PEBP4: variants seen among roughly 807,000 people sequenced by gnomAD.
PEBP4 encodes phosphatidylethanolamine-binding protein 4.
In PEBP4, 22 loss-of-function variants were observed where a neutral mutation model predicts 23.9. The ratio of observed to expected loss-of-function variants is 0.92; its 90% confidence interval spans 0.66 to 1.31. The LOEUF (loss-of-function observed/expected upper bound fraction) is 1.31. Among genes scored for constraint, PEBP4 ranks in the 40% most tolerant of loss-of-function variants. The pLI is 0.00. For missense variants in PEBP4, 324 were observed against 281.7 expected (o/e 1.15, Z -1.07); for synonymous variants, 112 against 99.3 (o/e 1.13, Z -0.76).
chr8:22,804,157 C>T (rs1304452965), intron 4 of PEBP4, among the ~76,000 whole-genome samples: 3 of 152,100 alleles, frequency 2.0e-5, no homozygotes, highest in Non-Finnish European at 2.9e-5. Context: ...TAGTGGGGCC[C>T]TATATCTATA....
rs542034465 is a variant in PEBP4 at position 22,762,776 on chromosome 8, C to T, written c.358-35556G>A. Among the ~76,000 whole-genome samples the T allele has an allele frequency of 5.3e-5, 8 of 152,248 alleles. No homozygotes were observed. The East Asian group carries it at 1.5e-3, about 29-fold the overall frequency. ...TGTGGAGTCTTGGGGTTGAAGGCAT[C>T]AGAGATTTCCTTTGCTCGTTGTGTT... On this transcript the variant is annotated intron_variant, in intron 4 of 6. Coordinates refer to ENST00000256404, the MANE Select transcript of PEBP4 (RefSeq NM_144962.3).
intron 3 of PEBP4, among the ~76,000 whole-genome samples, chr8:22,849,537 C>T (rs912406426): frequency 6.6e-6 from 1 of 152,228 alleles, no homozygotes. Flanking sequence ...CACACCAGCT[C>T]TTCTTAGCAC....
chr8:22,829,403 A>T (rs1327056500), intron 3 of PEBP4, among the ~76,000 whole-genome samples: 1 of 152,046 alleles, frequency 6.6e-6, no homozygotes, highest in African/African-American at 2.4e-5. Context: ...AATATCCTTA[A>T]ATCTCCAACC....
intron 3 of PEBP4, among the ~76,000 whole-genome samples, chr8:22,909,753 A>C (rs1176421673): frequency 1.3e-5 from 2 of 152,158 alleles, no homozygotes; most frequent in Non-Finnish European, 1.5e-5. Flanking sequence ...AGCAGTGGGA[A>C]TCTTTCTGTG....
intron 6 of PEBP4, among the ~76,000 whole-genome samples, chr8:22,722,911 T>C (rs1028265695): frequency 5.3e-5 from 8 of 151,206 alleles, no homozygotes; most frequent in Admixed American, 3.9e-4. Flanking sequence ...TAGCTGGGAC[T>C]ATAGGCGCCC....
At chr8:22,724,052 G>T (rs565283619) in intron 6 of PEBP4, among the ~76,000 whole-genome samples, 1 of 152,368 alleles carries the variant, frequency 6.6e-6, no homozygotes, top group East Asian at 1.9e-4. Context: ...GCATTGTTCA[G>T]TCTCTATTGT....
intron 4 of PEBP4, among the ~76,000 whole-genome samples, chr8:22,752,675 T>C: frequency 6.6e-6 from 1 of 152,252 alleles, no homozygotes; most frequent in South Asian, 2.1e-4. Context: ...CTCCTGTTAT[T>C]GGCCCCAGCC....
chr8:22,715,340 G>T (rs998465894), intron 6 of PEBP4, among the ~76,000 whole-genome samples: 1 of 152,284 alleles, frequency 6.6e-6, no homozygotes, highest in Non-Finnish European at 1.5e-5. Flanking sequence ...TAGGAGCCCA[G>T]CTGGCTGGAA....
At chr8:22,869,402 G>A (rs576287724) in intron 3 of PEBP4, among the ~76,000 whole-genome samples, 122 of 152,176 alleles carry the variant, frequency 8.0e-4, no homozygotes, top group Admixed American at 3.9e-3. Context: ...GCTTTGTCTC[G>A]TTCCTTCACA....
intron 3 of PEBP4, among the ~76,000 whole-genome samples, chr8:22,900,844 G>C (rs192949020): frequency 6.6e-6 from 1 of 152,046 alleles, no homozygotes; most frequent in Admixed American, 6.5e-5. Flanking sequence ...GCTAAAACTA[G>C]GCACTTCACT....
chr8:22,801,408 T>C (rs1806377740), intron 4 of PEBP4, among the ~76,000 whole-genome samples: 1 of 152,144 alleles, frequency 6.6e-6, no homozygotes, highest in Non-Finnish European at 1.5e-5. Context: ...TGCACCACAC[T>C]GCCTCCTGGA....
At chr8:22,868,353 A>G (rs1298096460) in intron 3 of PEBP4, among the ~76,000 whole-genome samples, 1 of 152,120 alleles carries the variant, frequency 6.6e-6, no homozygotes, top group African/African-American at 2.4e-5. Flanking sequence ...TCAAGCCTCC[A>G]GGGAGTCTCA....
intron 3 of PEBP4, among the ~76,000 whole-genome samples, chr8:22,903,079 A>T (rs1181512281): frequency 1.3e-5 from 2 of 152,158 alleles, no homozygotes; most frequent in African/African-American, 2.4e-5. Context: ...TGAAACTTGG[A>T]TTCCATCTCG....
At chr8:22,776,371 T>C (rs1805815792) in intron 4 of PEBP4, among the ~76,000 whole-genome samples, 2 of 152,230 alleles carry the variant, frequency 1.3e-5, no homozygotes, top group South Asian at 4.2e-4. Flanking sequence ...GCTGATAAAT[T>C]TGGTCTTTCA....
At chr8:22,798,721 CTTTTTTCTTTTTTTTTTTTT>C (rs1351962960) in intron 4 of PEBP4, 1 of 77,102 alleles carries the variant, frequency 1.3e-5, no homozygotes, top group African/African-American at 5.9e-5. Flanking sequence ...TTTTTCTTTT[CTTTTTTCTTTTTTTTTTTTT>C]TTTTTTTTTT....
chr8:22,722,972 AG>A (rs1804549492), intron 6 of PEBP4, among the ~76,000 whole-genome samples: 1 of 150,114 alleles, frequency 6.7e-6, no homozygotes, highest in Non-Finnish European at 1.5e-5. Flanking sequence ...TAGTAGAGAC[AG>A]GGTTTCACCA....
intron 2 of PEBP4, among the ~76,000 whole-genome samples, chr8:22,926,398 G>T (rs912166152): frequency 3.3e-5 from 5 of 152,128 alleles, no homozygotes; most frequent in Non-Finnish European, 7.4e-5. Flanking sequence ...AGGCTGGAAT[G>T]CAGTGGCGCA....
chr8:22,728,954 A>G (rs1804679302), intron 4 of PEBP4, among the ~76,000 whole-genome samples: 1 of 152,106 alleles, frequency 6.6e-6, no homozygotes, highest in Non-Finnish European at 1.5e-5. Flanking sequence ...TTTTCTGCTC[A>G]GGAGGATCTG....
chr8:22,827,922 G>C (rs1413222092), intron 3 of PEBP4, among the ~76,000 whole-genome samples: 1 of 152,216 alleles, frequency 6.6e-6, no homozygotes, highest in East Asian at 1.9e-4. Context: ...CATGCTAGTG[G>C]GTGTAAACTG....
Sources: gnomAD v4.1 joint callset for allele counts (sites outside exome capture counted in the v4.1 genomes callset) on GRCh38, gnomAD v4.1.1 for gene constraint, MANE v1.5 for transcripts, NCBI Gene and HGNC (gene_info 2026-07-23, HGNC 2026-07-21) for gene names.